Variants in ZNF487 observed in about 807,000 individuals in gnomAD.
ZNF487 encodes the protein KRAB domain only 1.
A neutral mutation model predicts 3.0 loss-of-function variants in ZNF487; 4 were observed. That is an observed-to-expected ratio of 1.35 (90% CI 0.66 to 3.08). ZNF487 has a LOEUF of 3.08. Among genes scored for constraint, ZNF487 ranks in the 30% most tolerant of loss-of-function variants. The pLI, the probability that ZNF487 is intolerant of heterozygous loss-of-function variation, is 0.01. For missense variants in ZNF487, 146 were observed against 98.7 expected (o/e 1.48, Z -2.03); for synonymous variants, 55 against 34.6 (o/e 1.59, Z -2.06).
chr10:43,465,916 G>A (rs906758416), intron 1 of ZNF487, among the ~76,000 whole-genome samples: 10 of 152,208 alleles, frequency 6.6e-5, no homozygotes, highest in African/African-American at 4.8e-5. Flanking sequence ...CTGAGTGAAC[G>A]AGACTCTGTC....
intron 3 of ZNF487, among the ~76,000 whole-genome samples, chr10:43,480,032 TTTCTTTCTTTCTTTTTC>T (rs1163758459): frequency 6.7e-5 from 4 of 59,800 alleles, no homozygotes; most frequent in African/African-American, 1.1e-4. Flanking sequence ...TCTTTCTTTC[TTTCTTTCTTTCTTTTTC>T]TTTCTTTCTT....
At chr10:43,498,835 G>A in the ZNF487 span, among the ~76,000 whole-genome samples, 1 of 151,574 alleles carries the variant, frequency 6.6e-6, no homozygotes, top group African/African-American at 2.4e-5. Context: ...CCAGCAACTC[G>A]GGAGGTTGAG....
At chr10:43,510,087 A>C in the ZNF487 span, among the ~76,000 whole-genome samples, 3 of 152,230 alleles carry the variant, frequency 2.0e-5, no homozygotes, top group Non-Finnish European at 4.4e-5. Flanking sequence ...ATCTTATGTC[A>C]CATGATAAAG....
intron 1 of ZNF487, among the ~76,000 whole-genome samples, chr10:43,471,510 C>T (rs902490613): frequency 6.6e-6 from 1 of 152,176 alleles, no homozygotes; most frequent in African/African-American, 2.4e-5. Context: ...TCTAGGTACC[C>T]GCACTCAGTG....
At chr10:43,520,423 G>T in the ZNF487 span, among the ~76,000 whole-genome samples, 1 of 152,122 alleles carries the variant, frequency 6.6e-6, no homozygotes, top group Non-Finnish European at 1.5e-5. Context: ...AGAAGTTTAA[G>T]GTTTGTGTTT....
At chr10:43,462,721 T>C (rs1418097226) in intron 1 of ZNF487, among the ~76,000 whole-genome samples, 1 of 151,814 alleles carries the variant, frequency 6.6e-6, no homozygotes, top group Non-Finnish European at 1.5e-5. Context: ...CTTGAAGTGC[T>C]GGGATTACAG....
At chr10:43,456,015 A>G (rs1589031128) in intron 1 of ZNF487, among the ~76,000 whole-genome samples, 1 of 152,228 alleles carries the variant, frequency 6.6e-6, no homozygotes, top group Non-Finnish European at 1.5e-5. Context: ...ACTGAGCCCC[A>G]GACATCGTTG....
the ZNF487 span, among the ~76,000 whole-genome samples, chr10:43,508,483 TA>T: frequency 1.3e-5 from 2 of 152,122 alleles, no homozygotes; most frequent in Non-Finnish European, 2.9e-5. Flanking sequence ...CAACTTGGCT[TA>T]ATGAAAAGGG....
the ZNF487 span, among the ~76,000 whole-genome samples, chr10:43,498,099 A>ATTTTTTTTTTTTTTT: frequency 1.5e-4 from 3 of 20,188 alleles, no homozygotes; most frequent in Admixed American, 9.0e-4. Context: ...ATATATATAT[A>ATTTTTTTTTTTTTTT]TTTTTTTTTT....
At chr10:43,441,785 C>T (rs144693145) in intron 1 of ZNF487, among the ~76,000 whole-genome samples, 12,581 of 152,104 alleles carry the variant, frequency 0.083, 911 homozygotes, top group African/African-American at 0.19. Flanking sequence ...CGGGGTTTCA[C>T]CATGTTGGCC....
chr10:43,436,879 G>A (rs775482297), upstream of ZNF487: 10 of 469,248 alleles, frequency 2.1e-5, no homozygotes, highest in South Asian at 1.2e-4. Context: ...CGGTCCCAGC[G>A]ACCTTCGCTT....
the ZNF487 span, among the ~76,000 whole-genome samples, chr10:43,511,004 G>A: frequency 3.3e-5 from 5 of 152,270 alleles, no homozygotes; most frequent in South Asian, 4.2e-4. Context: ...GTAATTTTGC[G>A]GGAACAGGAA....
downstream of ZNF487, among the ~76,000 whole-genome samples, chr10:43,485,097 C>G (rs1371806427): frequency 6.6e-6 from 1 of 152,178 alleles, no homozygotes; most frequent in Admixed American, 6.5e-5. Context: ...TAACTTTATT[C>G]TTACCTCCTC....
the ZNF487 span, among the ~76,000 whole-genome samples, chr10:43,518,025 C>T: frequency 0.02 from 2,997 of 152,246 alleles, 94 homozygotes; most frequent in African/African-American, 0.068. Context: ...ATGTCCTAAA[C>T]CTGGCCAAAA....
chr10:43,436,859 C>T (rs894770562), upstream of ZNF487: 2 of 468,152 alleles, frequency 4.3e-6, no homozygotes, highest in Non-Finnish European at 8.8e-6. Context: ...CGCCCCCGGA[C>T]GCCCAGCCGC....
chr10:43,457,926 G>A (rs1028188770), intron 1 of ZNF487: 2 of 151,704 alleles, frequency 1.3e-5, no homozygotes, highest in African/African-American at 4.9e-5. Flanking sequence ...GGAGGCTGAG[G>A]CAGGCGACTG....
At chr10:43,496,130 C>T in the ZNF487 span, 1 of 529,178 alleles carries the variant, frequency 1.9e-6, no homozygotes, top group Non-Finnish European at 3.9e-6. Flanking sequence ...CTACAGCCTC[C>T]TCATCTCAGT....
chr10:43,496,134 TC>T, the ZNF487 span: 1 of 528,336 alleles, frequency 1.9e-6, no homozygotes, highest in South Asian at 1.4e-5. Flanking sequence ...AGCCTCCTCA[TC>T]TCAGTGGGTA....
At chr10:43,462,753 CT>C (rs1269088085) in intron 1 of ZNF487, among the ~76,000 whole-genome samples, 26 of 146,152 alleles carry the variant, frequency 1.8e-4, no homozygotes, top group African/African-American at 5.1e-4. Context: ...TGCATCCGGC[CT>C]TTTTTTTTTC....
Sources: allele counts gnomAD v4.1 joint callset (sites outside exome capture counted in the v4.1 genomes callset), GRCh38; gene constraint gnomAD v4.1.1; transcripts MANE v1.5; gene names NCBI Gene and HGNC (gene_info 2026-07-23, HGNC 2026-07-21).